Variants in RBFOX1 observed in about 807,000 individuals in gnomAD.
The protein encoded by RBFOX1 is RNA binding protein fox-1 homolog 1.
Under a neutral mutation model 57.7 loss-of-function variants are expected in RBFOX1, and 8 were observed. That is an observed-to-expected ratio of 0.14 (90% CI 0.08 to 0.25). RBFOX1 has a LOEUF of 0.25. RBFOX1 is among the 10% of genes least tolerant of loss of function. The probability of loss-of-function intolerance (pLI) is 1.00; values close to 1 mark genes in which losing one functional copy is unlikely to be tolerated. For missense variants in RBFOX1, 611 were observed against 548.5 expected, an observed-to-expected ratio of 1.11 and a Z score of -1.14; for synonymous variants, 326 against 222.4, an observed-to-expected ratio of 1.47 and a Z score of -4.15.
chr16:6,877,707 A>G (rs556486099), intron 3 of RBFOX1, among the ~76,000 whole-genome samples: 1 of 152,296 alleles, frequency 6.6e-6, no homozygotes, highest in South Asian at 2.1e-4. Context: ...GTGAGAAAAT[A>G]GAGGCTCAAA....
intron 4 of RBFOX1, among the ~76,000 whole-genome samples, chr16:7,503,422 G>A (rs1567546405): frequency 6.6e-6 from 1 of 152,192 alleles, no homozygotes; most frequent in East Asian, 1.9e-4. Flanking sequence ...GATGGAATAA[G>A]TCACACAGCG....
At chr16:6,740,137 C>G (rs982193392) in intron 3 of RBFOX1, among the ~76,000 whole-genome samples, 1 of 152,166 alleles carries the variant, frequency 6.6e-6, no homozygotes, top group Non-Finnish European at 1.5e-5. Context: ...TGATGTTATT[C>G]ACTATACCGA....
intron 4 of RBFOX1, among the ~76,000 whole-genome samples, chr16:7,123,661 G>C (rs545855980): frequency 6.6e-6 from 1 of 152,134 alleles, no homozygotes; most frequent in South Asian, 2.1e-4. Context: ...CACCCCACCT[G>C]GCAAAAATTA....
At chr16:5,964,557 ATGTGTATATATGTATCTATG>A (rs1449872902) in intron 4 of RBFOX1, among the ~76,000 whole-genome samples, 3 of 152,168 alleles carry the variant, frequency 2.0e-5, no homozygotes, top group Non-Finnish European at 4.4e-5. Context: ...ATATATGTAT[ATGTGTATATATGTATCTATG>A]TGTGTATATA....
At chr16:6,217,174 C>CTTTTTTTTTTTTTTTTTTTTTT (rs71142697) in intron 1 of RBFOX1, among the ~76,000 whole-genome samples, 2 of 119,060 alleles carry the variant, frequency 1.7e-5, no homozygotes, top group Non-Finnish European at 3.3e-5. Context: ...TTAGGGGATT[C>CTTTTTTTTTTTTTTTTTTTTTT]TTTTTTTTTT....
At chr16:7,547,840 G>A (rs1033529719) in intron 5 of RBFOX1, among the ~76,000 whole-genome samples, 3 of 152,334 alleles carry the variant, frequency 2.0e-5, no homozygotes, top group Non-Finnish European at 2.9e-5. Flanking sequence ...TGGAGGTTGT[G>A]TGTATTTAAC....
At chr16:7,567,794 T>G (rs1380072492) in intron 5 of RBFOX1, among the ~76,000 whole-genome samples, 2 of 147,854 alleles carry the variant, frequency 1.4e-5, no homozygotes, top group African/African-American at 4.9e-5. Flanking sequence ...TCCATATGTA[T>G]ACCTATATAT....
At chr16:7,319,214 A>G (rs986187494) in intron 4 of RBFOX1, among the ~76,000 whole-genome samples, 4 of 152,150 alleles carry the variant, frequency 2.6e-5, no homozygotes, top group Non-Finnish European at 5.9e-5. Context: ...GTAATCCTAA[A>G]AACAAATGGC....
intron 4 of RBFOX1, among the ~76,000 whole-genome samples, chr16:5,900,818 A>G (rs1185734051): frequency 6.6e-6 from 1 of 152,180 alleles, no homozygotes; most frequent in Non-Finnish European, 1.5e-5. Flanking sequence ...CACCGTCAAG[A>G]CATCCAGGAA....
intron 1 of RBFOX1, among the ~76,000 whole-genome samples, chr16:6,137,914 C>T (rs2096680285): frequency 1.3e-5 from 2 of 152,200 alleles, no homozygotes; most frequent in African/African-American, 4.8e-5. Context: ...CAGGCCTTCA[C>T]AGCATTTTGA....
intron 4 of RBFOX1, among the ~76,000 whole-genome samples, chr16:5,955,075 G>C (rs1023592739): frequency 7.9e-6 from 1 of 126,086 alleles, no homozygotes; most frequent in African/African-American, 3.0e-5. Flanking sequence ...GAGGTCAGGA[G>C]TTCAAGACCA....
chr16:7,409,696 C>A (rs913061160), intron 4 of RBFOX1, among the ~76,000 whole-genome samples: 1 of 152,160 alleles, frequency 6.6e-6, no homozygotes, highest in Non-Finnish European at 1.5e-5. Context: ...TTCCCTTAAC[C>A]CCATCACCAC....
At chr16:7,515,316 T>C (rs916973564) in intron 4 of RBFOX1, among the ~76,000 whole-genome samples, 1 of 151,682 alleles carries the variant, frequency 6.6e-6, no homozygotes, top group African/African-American at 2.4e-5. Flanking sequence ...ACAGAAAAAG[T>C]AGCTTAAAAA....
chr16:5,809,513 G>C (rs1335940544), intron 3 of RBFOX1, among the ~76,000 whole-genome samples: 1 of 152,084 alleles, frequency 6.6e-6, no homozygotes, highest in African/African-American at 2.4e-5. Flanking sequence ...ACTGGACGAA[G>C]GACATGAACA....
At chr16:6,103,947 C>G (rs1288788583) in intron 1 of RBFOX1, among the ~76,000 whole-genome samples, 2 of 152,302 alleles carry the variant, frequency 1.3e-5, no homozygotes, top group Middle Eastern at 3.4e-3. Flanking sequence ...TTACTTCGCC[C>G]TAGCCATTGG....
chr16:5,448,024 G>T (rs527921201), intron 1 of RBFOX1, among the ~76,000 whole-genome samples: 1 of 152,146 alleles, frequency 6.6e-6, no homozygotes, highest in Non-Finnish European at 1.5e-5. Flanking sequence ...GAATCTGGGG[G>T]TGGAGTCACA....
At chr16:5,856,575 G>GTGTGTGTA (rs1192496608) in intron 3 of RBFOX1, among the ~76,000 whole-genome samples, 1 of 32,918 alleles carries the variant, frequency 3.0e-5, no homozygotes, top group African/African-American at 1.3e-4. Context: ...GTGTGTGTGT[G>GTGTGTGTA]TATATATATA....
chr16:6,647,135 A>C (rs75962870), intron 2 of RBFOX1, among the ~76,000 whole-genome samples: 3,622 of 152,254 alleles, frequency 0.024, 265 homozygotes, highest in Admixed American at 0.14. Context: ...AGTCATTCTC[A>C]CTGGGTCCTC....
intron 2 of RBFOX1, among the ~76,000 whole-genome samples, chr16:5,530,202 A>C (rs1049776593): frequency 3.3e-5 from 5 of 152,212 alleles, no homozygotes. Context: ...TATTCCCAGC[A>C]GTCCGAGGTA....
Sources: gnomAD v4.1 joint callset for allele counts (sites outside exome capture counted in the v4.1 genomes callset) on GRCh38, gnomAD v4.1.1 for gene constraint, MANE v1.5 for transcripts, NCBI Gene and HGNC (gene_info 2026-07-23, HGNC 2026-07-21) for gene names.